VWA8: variants seen among roughly 807,000 people sequenced by gnomAD.
The protein encoded by VWA8 is von Willebrand factor A domain containing 8, also known as von Willebrand factor A domain-containing protein 8.
In VWA8, 221 loss-of-function variants were observed where a neutral mutation model predicts 241.5. That is an observed-to-expected ratio of 0.91 (90% CI 0.82 to 1.02). VWA8 has a LOEUF of 1.02. VWA8 is among the 50% of genes least tolerant of loss of function. The pLI is 0.00. For missense variants in VWA8, 2,322 were observed against 2,328.7 expected, an observed-to-expected ratio of 1.00 and a Z score of 0.06; for synonymous variants, 852 against 827.1, an observed-to-expected ratio of 1.03 and a Z score of -0.52.
At chr13:41,897,150 C>G (rs1436534352) in intron 4 of VWA8, among the ~76,000 whole-genome samples, 1 of 151,770 alleles carries the variant, frequency 6.6e-6, no homozygotes. Context: ...CTTTCCAGGA[C>G]TAAGCGAATA....
chr13:41,665,605 T>A (rs1440073667), intron 37 of VWA8, among the ~76,000 whole-genome samples: 3 of 151,760 alleles, frequency 2.0e-5, no homozygotes, highest in Admixed American at 6.6e-5. Context: ...AATGTAAGTG[T>A]ATACCTAACG....
chr13:41,958,441 TTA>T (rs1185447288), intron 1 of VWA8, among the ~76,000 whole-genome samples: 1 of 152,228 alleles, frequency 6.6e-6, no homozygotes, highest in African/African-American at 2.4e-5. Flanking sequence ...TTTCAAACTA[TTA>T]GGAAGCAATG....
intron 2 of VWA8, among the ~76,000 whole-genome samples, chr13:41,938,962 C>T (rs964400202): frequency 2.0e-5 from 3 of 152,088 alleles, no homozygotes; most frequent in East Asian, 1.9e-4. Context: ...TTTCTCAAAC[C>T]TCAAAATTAT....
intron 20 of VWA8, among the ~76,000 whole-genome samples, chr13:41,768,301 T>C (rs1017535185): frequency 6.6e-6 from 1 of 152,254 alleles, no homozygotes; most frequent in Admixed American, 6.5e-5. Context: ...GGGTGCACAG[T>C]AGCAATCTGC....
At chr13:41,871,352 T>C (rs1412111070) in intron 9 of VWA8, among the ~76,000 whole-genome samples, 4 of 152,170 alleles carry the variant, frequency 2.6e-5, no homozygotes, top group Admixed American at 6.5e-5. Context: ...ATGTGCACAA[T>C]GTGCAGGTTA....
intron 21 of VWA8, among the ~76,000 whole-genome samples, chr13:41,735,641 T>C (rs1225339354): frequency 1.3e-5 from 2 of 152,160 alleles, no homozygotes; most frequent in Non-Finnish European, 2.9e-5. Flanking sequence ...GTAAAATATG[T>C]AAAATAATAT....
intron 42 of VWA8, among the ~76,000 whole-genome samples, chr13:41,585,725 G>A (rs777489132): frequency 5.3e-5 from 8 of 151,776 alleles, no homozygotes; most frequent in South Asian, 2.1e-4. Context: ...TTAGCCAGGC[G>A]TGGTGGCGGG....
At chr13:41,837,035 T>TGATAGATAGATAGATAGATAGATA (rs67765155) in intron 12 of VWA8, among the ~76,000 whole-genome samples, 8 of 148,578 alleles carry the variant, frequency 5.4e-5, no homozygotes. Flanking sequence ...TGCAGATAGA[T>TGATAGATAGATAGATAGATAGATA]GATAGATAGA....
intron 21 of VWA8, among the ~76,000 whole-genome samples, chr13:41,750,459 C>T (rs201871924): frequency 3.2e-5 from 3 of 93,342 alleles, no homozygotes; most frequent in East Asian, 3.0e-4. Flanking sequence ...ACAACAACAA[C>T]AAAACAAAAA....
In VWA8 at chr13:41,620,284, T is replaced by C. The variant is rs559241534; in HGVS notation, c.4612-5200A>G. Among the ~76,000 whole-genome samples the C allele has an allele frequency of 3.4e-4, 52 of 152,284 alleles. 1 individual carries two copies. The South Asian group carries it at 0.011, about 31-fold the overall frequency. On this transcript the variant is annotated intron_variant, in intron 37 of 44. Coordinates refer to ENST00000379310, the MANE Select transcript of VWA8 (RefSeq NM_015058.2). ...AGGTGTTTACAGTATGCTCTGATGG[T>C]AGTTTGTATTTCTGTGGGATCGGTG... is the stretch of plus-strand genomic sequence containing the variant.
intron 14 of VWA8, among the ~76,000 whole-genome samples, 157 bp from the exon 15 acceptor site, chr13:41,819,543 C>T (rs1458461239): frequency 1.3e-5 from 2 of 152,160 alleles, no homozygotes; most frequent in Non-Finnish European, 2.9e-5. Flanking sequence ...AAAGTCAGGA[C>T]ATTCTAAGAA....
intron 8 of VWA8, among the ~76,000 whole-genome samples, chr13:41,884,844 A>G (rs1874438269): frequency 6.6e-6 from 1 of 152,188 alleles, no homozygotes; most frequent in Non-Finnish European, 1.5e-5. Flanking sequence ...TGTATAGAAC[A>G]ATGTCAACAA....
At chr13:41,833,657 A>C in intron 12 of VWA8, 126 bp from the exon 13 acceptor site, 1 of 1,131,652 alleles carries the variant, frequency 8.8e-7, no homozygotes, top group Non-Finnish European at 1.1e-6. Flanking sequence ...GTAACAGAGA[A>C]GTCATCTTCT....
At chr13:41,841,206 C>G (rs1041523589) in intron 12 of VWA8, among the ~76,000 whole-genome samples, 15 of 152,028 alleles carry the variant, frequency 9.9e-5, no homozygotes, top group Admixed American at 9.8e-4. Flanking sequence ...ATTAATGAAC[C>G]CATGAATAGA....
chr13:41,644,712 TA>T (rs1364346196), intron 37 of VWA8, among the ~76,000 whole-genome samples: 2 of 152,268 alleles, frequency 1.3e-5, no homozygotes, highest in African/African-American at 4.8e-5. Flanking sequence ...AGTAATTTGG[TA>T]AACAGTTATC....
intron 16 of VWA8, among the ~76,000 whole-genome samples, chr13:41,812,451 G>A (rs1182828150): frequency 6.6e-6 from 1 of 152,082 alleles, no homozygotes; most frequent in Non-Finnish European, 1.5e-5. Flanking sequence ...CACAGAGGGT[G>A]ATAAGGGCAG....
intron 20 of VWA8, among the ~76,000 whole-genome samples, chr13:41,764,128 T>G (rs955832176): frequency 6.6e-6 from 1 of 152,162 alleles, no homozygotes; most frequent in Non-Finnish European, 1.5e-5. Flanking sequence ...TTTTTCTCTT[T>G]TCAACCCCCA....
chr13:41,898,894 C>G (rs1250056959), intron 4 of VWA8, among the ~76,000 whole-genome samples: 1 of 43,916 alleles, frequency 2.3e-5, no homozygotes, highest in Admixed American at 2.4e-4. Flanking sequence ...GCCAAGCCCA[C>G]GCCCACCCGG....
Position 41,819,376 on chromosome 13 carries a change from G to GA in VWA8, c.1710dup (p.Pro571SerfsTer45), listed in dbSNP as rs779788408. On this transcript the variant is annotated frameshift_variant, in exon 15 of 45. Transcript: ENST00000379310. LOFTEE classifies it high-confidence loss of function. Reference sequence around the variant, plus strand: ...ATGATTCTGAAGGAGGGATGGATAGGAAAAATGGATCTAAAATAGGAAAAA... The same window carrying GA: ...ATGATTCTGAAGGAGGGATGGATAGGAAAAAATGGATCTAAAATAGGAAAAA... 1.9e-6 allele frequency: 3 copies of GA among 1,591,956 alleles called. No individual in the cohort carries two copies. Among genetic ancestry groups the GA allele is most frequent in the Middle Eastern group, 1.7e-4 (1 of 6,016 alleles).
Sources: allele counts gnomAD v4.1 joint callset (sites outside exome capture counted in the v4.1 genomes callset), GRCh38; gene constraint gnomAD v4.1.1; transcripts MANE v1.5; gene names NCBI Gene and HGNC (gene_info 2026-07-23, HGNC 2026-07-21).